Variants in ULK4 observed in about 807,000 individuals in gnomAD.
ULK4 encodes inactive serine/threonine-protein kinase ULK4.
ULK4 carries 133 observed loss-of-function variants against 160.6 expected under a neutral mutation model. That is an observed-to-expected ratio of 0.83 (90% CI 0.72 to 0.96). The LOEUF is 0.96. Ranked by LOEUF, ULK4 falls within the 40% of genes least tolerant of loss-of-function variation. The pLI is 0.00. For missense variants in ULK4, 1,580 were observed against 1,499.5 expected, an observed-to-expected ratio of 1.05 and a Z score of -0.89; for synonymous variants, 534 against 539.8, an observed-to-expected ratio of 0.99 and a Z score of 0.15.
chr3:41,493,431 G>C (rs1296418243), intron 32 of ULK4, among the ~76,000 whole-genome samples: 1 of 134,186 alleles, frequency 7.5e-6, no homozygotes, highest in Non-Finnish European at 1.7e-5. Flanking sequence ...TCAAAGCAGT[G>C]TGTAGAGGGA....
chr3:41,453,997 A>C (rs1280122467), intron 34 of ULK4, among the ~76,000 whole-genome samples: 1 of 124,408 alleles, frequency 8.0e-6, no homozygotes, highest in Non-Finnish European at 1.6e-5. Flanking sequence ...TGGATACAGG[A>C]AGGGGAACAC....
chr3:41,599,871 G>C (rs544978765), intron 31 of ULK4, among the ~76,000 whole-genome samples: 7 of 152,062 alleles, frequency 4.6e-5, no homozygotes, highest in Middle Eastern at 6.8e-3. Flanking sequence ...GGCAGAAAAG[G>C]CATTTTCAAA....
At chr3:41,279,255 T>TAAAAAGAAAAAA (rs2079296692) in intron 35 of ULK4, among the ~76,000 whole-genome samples, 1 of 43,068 alleles carries the variant, frequency 2.3e-5, no homozygotes, top group African/African-American at 1.3e-4. Context: ...AAAAAAAGAG[T>TAAAAAGAAAAAA]AAAAAAAAAA....
intron 32 of ULK4, among the ~76,000 whole-genome samples, chr3:41,473,762 T>C (rs2084060976): frequency 6.6e-6 from 1 of 151,512 alleles, no homozygotes. Flanking sequence ...AAAAAATACT[T>C]ATGAATAAAT....
At chr3:41,499,467 G>A (rs965640494) in intron 32 of ULK4, among the ~76,000 whole-genome samples, 13 of 152,124 alleles carry the variant, frequency 8.5e-5, no homozygotes, top group Admixed American at 2.0e-4. Context: ...TATGTGTAGA[G>A]TGTTGAGGGC....
chr3:41,767,707 T>C (rs902022789), intron 21 of ULK4, among the ~76,000 whole-genome samples: 1 of 152,170 alleles, frequency 6.6e-6, no homozygotes, highest in Admixed American at 6.5e-5. Flanking sequence ...GGAATGGTCA[T>C]AGGTAAACAG....
chr3:41,351,065 A>G (rs779185961), intron 35 of ULK4, among the ~76,000 whole-genome samples: 1 of 152,226 alleles, frequency 6.6e-6, no homozygotes, highest in Non-Finnish European at 1.5e-5. Context: ...TGCTCTGAGA[A>G]TGGCTTTCCT....
intron 32 of ULK4, among the ~76,000 whole-genome samples, chr3:41,542,833 A>G (rs1691963): frequency 0.51 from 77,637 of 151,784 alleles, 19,956 homozygotes; most frequent in Middle Eastern, 0.57. Flanking sequence ...ATTCTCTGAT[A>G]GTATGAAAAC....
chr3:41,410,861 T>C (rs1007461960), intron 34 of ULK4, among the ~76,000 whole-genome samples: 2 of 152,272 alleles, frequency 1.3e-5, no homozygotes, highest in Admixed American at 1.3e-4. Flanking sequence ...TTCCCCCAAG[T>C]GTCTTTGTCT....
chr3:41,806,950 C>T (rs903282031), intron 19 of ULK4, among the ~76,000 whole-genome samples: 3 of 151,926 alleles, frequency 2.0e-5, no homozygotes, highest in African/African-American at 7.3e-5. Flanking sequence ...GAGTTTGAGA[C>T]CAGCCTGGGA....
intron 35 of ULK4, among the ~76,000 whole-genome samples, chr3:41,300,121 T>C (rs2129650): frequency 0.021 from 3,202 of 152,246 alleles, 75 homozygotes; most frequent in African/African-American, 0.065. Flanking sequence ...TTTTAGGAGG[T>C]ACAAATTTAG....
At chr3:41,800,098 CCAGA>C (rs763825109) in intron 20 of ULK4, 30 bp downstream of exon 20, 67 of 1,516,492 alleles carry the variant, frequency 4.4e-5, no homozygotes, top group Non-Finnish European at 4.2e-5. Flanking sequence ...TTAAAGATAC[CCAGA>C]CATATCCCCC....
At chr3:41,703,677 A>G (rs1684618837) in intron 27 of ULK4, among the ~76,000 whole-genome samples, 1 of 152,322 alleles carries the variant, frequency 6.6e-6, no homozygotes, top group East Asian at 1.9e-4. Flanking sequence ...AAGAAACAGA[A>G]GCTATTAGCA....
At chr3:41,345,204 A>C (rs2080774894) in intron 35 of ULK4, among the ~76,000 whole-genome samples, 1 of 152,206 alleles carries the variant, frequency 6.6e-6, no homozygotes, top group Admixed American at 6.5e-5. Context: ...ACCATTGTGG[A>C]TGACAGCGTG....
chr3:41,803,405 C>T (rs1254387913), intron 19 of ULK4, among the ~76,000 whole-genome samples: 1 of 152,078 alleles, frequency 6.6e-6, no homozygotes, highest in Non-Finnish European at 1.5e-5. Context: ...GAATCACAAA[C>T]CTAAATGTAA....
rs964438974 is a variant in ULK4, at chr3:41,318,042, GAGGTTA to G, written c.3679-68474_3679-68469del. ...CGCTATATCTACCACTGTTGTCCCA[GAGGTTA>G]AGGTAAATTATTAATGAGTTTAAAG... On this transcript the variant is annotated intron_variant, in intron 35 of 36. Coordinates refer to ENST00000301831, the MANE Select transcript of ULK4 (RefSeq NM_017886.4). 7.2e-5 allele frequency among the ~76,000 whole-genome samples: 11 copies of G among 152,080 alleles called. No individual in the cohort carries two copies. The South Asian group carries it at 1.9e-3, about 26-fold the overall frequency.
intron 31 of ULK4, among the ~76,000 whole-genome samples, chr3:41,598,014 G>A (rs1293564025): frequency 6.6e-6 from 1 of 152,176 alleles, no homozygotes; most frequent in Non-Finnish European, 1.5e-5. Context: ...TTCAGTACTG[G>A]CAGATCCTGC....
At chr3:41,709,420 C>T (rs891296530) in intron 25 of ULK4, among the ~76,000 whole-genome samples, 2 of 152,142 alleles carry the variant, frequency 1.3e-5, no homozygotes, top group African/African-American at 4.8e-5. Context: ...CAGAGTCTCG[C>T]TCTGTCACCA....
At chr3:41,786,558 C>G (rs1342329266) in intron 21 of ULK4, among the ~76,000 whole-genome samples, 2 of 146,928 alleles carry the variant, frequency 1.4e-5, no homozygotes, top group Non-Finnish European at 3.0e-5. Flanking sequence ...GATCACACCA[C>G]TGCACTCCAG....
Sources: allele counts gnomAD v4.1 joint callset (sites outside exome capture counted in the v4.1 genomes callset), GRCh38; gene constraint gnomAD v4.1.1; transcripts MANE v1.5; gene names NCBI Gene and HGNC (gene_info 2026-07-23, HGNC 2026-07-21).